ARFGEF1: variants seen among roughly 807,000 people sequenced by gnomAD.
ARFGEF1 encodes the protein brefeldin A-inhibited guanine nucleotide-exchange protein 1.
Under a neutral mutation model 231.0 loss-of-function variants are expected in ARFGEF1, and 42 were observed. The observed-to-expected ratio is 0.18, with a 90% CI of 0.14 to 0.24. ARFGEF1 has a LOEUF of 0.24. Ranked by LOEUF, ARFGEF1 falls within the 10% of genes least tolerant of loss-of-function variation. The pLI, the probability that ARFGEF1 is intolerant of heterozygous loss-of-function variation, is 1.00. For missense variants in ARFGEF1, 1,345 were observed against 2,192.0 expected (o/e 0.61, Z 7.72); for synonymous variants, 710 against 732.3 (o/e 0.97, Z 0.49).
At chr8:67,332,000 A>T (rs1052854939) in intron 1 of ARFGEF1, among the ~76,000 whole-genome samples, 6 of 151,062 alleles carry the variant, frequency 4.0e-5, no homozygotes, top group African/African-American at 7.3e-5. Flanking sequence ...GGATTAATTT[A>T]AAAAAAAAAT....
intron 18 of ARFGEF1, among the ~76,000 whole-genome samples, chr8:67,252,439 G>C (rs1840324073): frequency 6.6e-6 from 1 of 151,958 alleles, no homozygotes; most frequent in Non-Finnish European, 1.5e-5. Context: ...TCCATTTCCA[G>C]CTTCTCTTAT....
In ARFGEF1 at chr8:67,218,144, G is replaced by GA. The variant is rs753008333; in HGVS notation, c.4339-7dup. ...GTTGTCATCCATTCAGCTTTCTGGG[G>GA]AAAAAAGTCATTAATGAACATCACG... On this transcript the variant is annotated splice_region_variant and splice_polypyrimidine_tract_variant and intron_variant, in intron 30 of 38. Transcript: ENST00000262215. 9 of 1,388,774 alleles carry GA rather than the reference G, an allele frequency of 6.5e-6. No homozygotes were observed. The highest frequency in any genetic ancestry group is 1.9e-4 in the Middle Eastern group (1 of 5,196). The allele number at this position is 1,388,774 out of a possible 1,614,324, so 86.0% of individuals were successfully genotyped here.
intron 1 of ARFGEF1, among the ~76,000 whole-genome samples, chr8:67,331,545 TA>T (rs1808099176): frequency 6.6e-6 from 1 of 152,194 alleles, no homozygotes; most frequent in African/African-American, 2.4e-5. Context: ...CTGTGAGAAA[TA>T]AATTTCTGTT....
At chr8:67,231,791 C>T (rs1839562210) in intron 23 of ARFGEF1, among the ~76,000 whole-genome samples, 1 of 151,962 alleles carries the variant, frequency 6.6e-6, no homozygotes, top group South Asian at 2.1e-4. Context: ...TCTCAGTTTC[C>T]TCATTGTAAA....
At chr8:67,228,340 G>C in intron 23 of ARFGEF1, 76 bp from the exon 24 acceptor site, 1 of 1,360,766 alleles carries the variant, frequency 7.3e-7, no homozygotes, top group Non-Finnish European at 1.0e-6. Context: ...TGTGGCATGG[G>C]GTACTAGCTA....
chr8:67,218,433 T>C (rs1402960745), intron 30 of ARFGEF1, among the ~76,000 whole-genome samples: 3 of 151,632 alleles, frequency 2.0e-5, no homozygotes, highest in Admixed American at 2.0e-4. Flanking sequence ...CACCGTATCA[T>C]CTTGATACTA....
At chr8:67,214,803 A>G (rs1365561019) in intron 33 of ARFGEF1, among the ~76,000 whole-genome samples, 3 of 152,220 alleles carry the variant, frequency 2.0e-5, no homozygotes, top group Non-Finnish European at 4.4e-5. Context: ...AAGGGACAGA[A>G]ACAATAAGAG....
chr8:67,318,491 T>C (rs1182701857), intron 1 of ARFGEF1, among the ~76,000 whole-genome samples: 6 of 152,058 alleles, frequency 3.9e-5, no homozygotes, highest in African/African-American at 1.4e-4. Context: ...TAAAGGTATA[T>C]AGGTTAGAGA....
At chr8:67,225,968 A>G in intron 28 of ARFGEF1, 55 bp downstream of exon 28, 1 of 1,475,322 alleles carries the variant, frequency 6.8e-7, no homozygotes, top group East Asian at 2.4e-5. Flanking sequence ...CAAACTTAAG[A>G]TTTCAAATTG....
At chr8:67,222,612 C>T (rs1289006514) in intron 29 of ARFGEF1, among the ~76,000 whole-genome samples, 1 of 151,818 alleles carries the variant, frequency 6.6e-6, no homozygotes, top group Non-Finnish European at 1.5e-5. Flanking sequence ...CACCACGCCT[C>T]GCTAATTTTT....
intron 5 of ARFGEF1, among the ~76,000 whole-genome samples, chr8:67,181,903 A>G (rs1833149419): frequency 6.6e-6 from 1 of 152,216 alleles, no homozygotes; most frequent in Non-Finnish European, 1.5e-5. Context: ...CTAGGACCTC[A>G]TGTAAGTGGA....
chr8:67,240,771 G>C (rs910781211), intron 19 of ARFGEF1, among the ~76,000 whole-genome samples: 40 of 152,184 alleles, frequency 2.6e-4, no homozygotes, highest in African/African-American at 9.1e-4. Context: ...ATTTTACATT[G>C]AGACATCAGT....
intron 5 of ARFGEF1, among the ~76,000 whole-genome samples, chr8:67,178,930 T>C (rs1203461400): frequency 2.6e-5 from 4 of 152,190 alleles, no homozygotes; most frequent in Admixed American, 2.6e-4. Flanking sequence ...TTTTACTTGA[T>C]CCACTGACTG....
Position 67,185,120 on chromosome 8 carries a change from A to AAAAC in ARFGEF1, c.561-9552_561-9549dup, listed in dbSNP as rs531865798. ...ACTCCGTCTCAAAAAAAAAAAAACA[A>AAAAC]AAACAAACAAACAAACAAACAAAAA... On this transcript the variant is annotated intron_variant, in intron 5 of 5. Transcript: ENST00000518789. Among the ~76,000 whole-genome samples, 265 of 151,268 alleles carry AAAAC rather than the reference A, an allele frequency of 1.8e-3. 5 individuals carry two copies. The highest frequency in any genetic ancestry group is 5.7e-3 in the African/African-American group (233 of 40,952).
At chr8:67,209,292 G>A (rs2129577669) in intron 34 of ARFGEF1, among the ~76,000 whole-genome samples, 1 of 152,290 alleles carries the variant, frequency 6.6e-6, no homozygotes, top group African/African-American at 2.4e-5. Context: ...ACAACATGAT[G>A]CGTCTTGAAA....
At chr8:67,277,162 C>A in intron 8 of ARFGEF1, 120 bp downstream of exon 8, 10 of 1,032,096 alleles carry the variant, frequency 9.7e-6, no homozygotes, top group South Asian at 3.6e-5. Flanking sequence ...TCTTATTTCC[C>A]CAAACTAAAT....
intron 19 of ARFGEF1, among the ~76,000 whole-genome samples, chr8:67,244,754 C>T (rs1840054302): frequency 6.7e-6 from 1 of 150,124 alleles, no homozygotes; most frequent in Non-Finnish European, 1.5e-5. Context: ...AAGGGCAATT[C>T]TAAAAGTTAT....
chr8:67,176,857 G>A (rs1427403204), intron 5 of ARFGEF1, among the ~76,000 whole-genome samples: 1 of 152,038 alleles, frequency 6.6e-6, no homozygotes, highest in Non-Finnish European at 1.5e-5. Flanking sequence ...GGATCATGAG[G>A]TCAGGAGTTC....
chr8:67,265,271 C>T (rs1241609464), intron 14 of ARFGEF1, among the ~76,000 whole-genome samples: 3 of 152,088 alleles, frequency 2.0e-5, no homozygotes, highest in Non-Finnish European at 4.4e-5. Context: ...CACTAAAAGG[C>T]ACTGCTTAAG....
Sources: allele counts gnomAD v4.1 joint callset (sites outside exome capture counted in the v4.1 genomes callset), GRCh38; gene constraint gnomAD v4.1.1; transcripts MANE v1.5; gene names NCBI Gene and HGNC (gene_info 2026-07-23, HGNC 2026-07-21).